SEMA3C: variants seen among roughly 807,000 people sequenced by gnomAD.
SEMA3C encodes the protein semaphorin 3C.
A neutral mutation model predicts 89.4 loss-of-function variants in SEMA3C; 47 were observed. The observed-to-expected ratio is 0.53, with a 90% confidence interval of 0.42 to 0.67. The LOEUF is 0.67. Among genes scored for constraint, SEMA3C ranks in the 30% least tolerant of loss-of-function variants. SEMA3C has a pLI of 0.00. For synonymous variants in SEMA3C, 310 were observed against 320.2 expected (o/e 0.97, Z 0.34); for missense variants, 839 against 929.1 (o/e 0.90, Z 1.26).
At chr7:80,765,743 A>AT (rs1425159987) in intron 12 of SEMA3C, among the ~76,000 whole-genome samples, 1 of 151,794 alleles carries the variant, frequency 6.6e-6, no homozygotes, top group Non-Finnish European at 1.5e-5. Flanking sequence ...CGCCTGGCTA[A>AT]TTTTTTGTAT....
intron 2 of SEMA3C, among the ~76,000 whole-genome samples, chr7:80,881,180 CA>C (rs1791330394): frequency 6.7e-6 from 1 of 150,320 alleles, no homozygotes. Flanking sequence ...CACACACACA[CA>C]CACACACACA....
chr7:80,881,163 A>AC (rs1491369441), intron 2 of SEMA3C, among the ~76,000 whole-genome samples: 28 of 130,030 alleles, frequency 2.2e-4, no homozygotes, highest in Non-Finnish European at 2.3e-4. Context: ...CTGGAGAAAG[A>AC]AACACACACA....
intron 4 of SEMA3C, among the ~76,000 whole-genome samples, chr7:80,818,936 C>T (rs548383215): frequency 1.3e-5 from 2 of 152,266 alleles, no homozygotes; most frequent in East Asian, 3.9e-4. Context: ...AGTCAGTCAA[C>T]AAACATTTAC....
intron 12 of SEMA3C, among the ~76,000 whole-genome samples, chr7:80,776,382 T>G (rs1483381699): frequency 6.6e-6 from 1 of 152,178 alleles, no homozygotes; most frequent in African/African-American, 2.4e-5. Flanking sequence ...GCAAACAGTA[T>G]AAACTAGAGT....
intron 15 of SEMA3C, among the ~76,000 whole-genome samples, chr7:80,753,284 C>T (rs1431792906): frequency 6.6e-6 from 1 of 152,164 alleles, no homozygotes; most frequent in Non-Finnish European, 1.5e-5. Flanking sequence ...TACTGCATAA[C>T]ATTTGCTATA....
intron 6 of SEMA3C, among the ~76,000 whole-genome samples, chr7:80,810,306 A>C (rs1359080605): frequency 6.6e-6 from 1 of 152,174 alleles, no homozygotes; most frequent in Non-Finnish European, 1.5e-5. Flanking sequence ...TAATACTACA[A>C]ACAATTACAG....
chr7:80,826,499 A>G (rs1053200721), intron 4 of SEMA3C, among the ~76,000 whole-genome samples: 1 of 152,168 alleles, frequency 6.6e-6, no homozygotes, highest in Non-Finnish European at 1.5e-5. Flanking sequence ...AAGGTAATAA[A>G]GTTGACTGGA....
chr7:80,846,615 G>C (rs1210302571), intron 2 of SEMA3C, among the ~76,000 whole-genome samples: 1 of 152,198 alleles, frequency 6.6e-6, no homozygotes, highest in Non-Finnish European at 1.5e-5. Flanking sequence ...ACAGGTGTGA[G>C]CCACCGTGCC....
At chr7:80,911,564 G>A (rs1206976562) in intron 2 of SEMA3C, among the ~76,000 whole-genome samples, 1 of 150,780 alleles carries the variant, frequency 6.6e-6, no homozygotes, top group Non-Finnish European at 1.5e-5. Context: ...TTGATAAAGA[G>A]TTCAATTTAG....
chr7:80,919,371 G>C, upstream of SEMA3C: 2 of 985,344 alleles, frequency 2.0e-6, no homozygotes, highest in Non-Finnish European at 2.4e-6. Flanking sequence ...TGAGCAACTT[G>C]CTGGGTGCGC....
chr7:80,816,786 A>G (rs1001230689), intron 5 of SEMA3C, among the ~76,000 whole-genome samples: 2 of 152,224 alleles, frequency 1.3e-5, no homozygotes, highest in Non-Finnish European at 2.9e-5. Flanking sequence ...GTGAGACTAA[A>G]GTAGTTCATA....
At chr7:80,781,342 G>A (rs371968654) in intron 12 of SEMA3C, among the ~76,000 whole-genome samples, 1 of 152,272 alleles carries the variant, frequency 6.6e-6, no homozygotes, top group African/African-American at 2.4e-5. Context: ...CCCCATTAGT[G>A]GAAGAGAAGA....
chr7:80,746,718 G>GGTGTGTGTGTGTGTGTGTGTGTGT (rs5885196), intron 17 of SEMA3C, among the ~76,000 whole-genome samples: 1,982 of 142,966 alleles, frequency 0.014, 27 homozygotes, highest in Non-Finnish European at 0.019. Context: ...ATTGAAGTGG[G>GGTGTGTGTGTGTGTGTGTGTGTGT]GTGTGTGTGT....
chr7:80,865,115 T>G (rs1406035838), intron 2 of SEMA3C, among the ~76,000 whole-genome samples: 1 of 152,220 alleles, frequency 6.6e-6, no homozygotes, highest in Non-Finnish European at 1.5e-5. Flanking sequence ...TTTTCTAAAA[T>G]GAGTTTCTTT....
At chr7:80,917,040 T>C (rs931811150) in intron 1 of SEMA3C, among the ~76,000 whole-genome samples, 3 of 152,166 alleles carry the variant, frequency 2.0e-5, no homozygotes, top group African/African-American at 7.2e-5. Context: ...ACTTTCATCT[T>C]CCAGCAAATT....
At chr7:80,888,667 TTC>T (rs1036897854) in intron 2 of SEMA3C, among the ~76,000 whole-genome samples, 17 of 152,162 alleles carry the variant, frequency 1.1e-4, no homozygotes, top group Admixed American at 2.6e-4. Flanking sequence ...ATGTCATTAC[TTC>T]TGTTTGTGTC....
intron 2 of SEMA3C, among the ~76,000 whole-genome samples, chr7:80,852,576 A>G (rs959541219): frequency 9.2e-5 from 14 of 152,176 alleles, no homozygotes; most frequent in African/African-American, 3.4e-4. Flanking sequence ...CAGACTATAC[A>G]CATAATAAAG....
intron 5 of SEMA3C, among the ~76,000 whole-genome samples, chr7:80,814,096 T>TC (rs898490096): frequency 6.6e-6 from 1 of 151,258 alleles, no homozygotes; most frequent in Non-Finnish European, 1.5e-5. Context: ...TTTTTCTTTT[T>TC]TTTTTTATTT....
At chr7:80,835,366 C>A (rs1189342485) in intron 2 of SEMA3C, among the ~76,000 whole-genome samples, 1 of 152,168 alleles carries the variant, frequency 6.6e-6, no homozygotes, top group Non-Finnish European at 1.5e-5. Context: ...ACATTCTTCT[C>A]ATCATAAACC....
Sources: allele counts gnomAD v4.1 joint callset (sites outside exome capture counted in the v4.1 genomes callset), GRCh38; gene constraint gnomAD v4.1.1; transcripts MANE v1.5; gene names NCBI Gene and HGNC (gene_info 2026-07-23, HGNC 2026-07-21).